Variants in SCNN1B observed in about 807,000 individuals in gnomAD.
SCNN1B encodes sodium channel epithelial 1 subunit beta.
SCNN1B carries 46 observed loss-of-function variants against 65.3 expected under a neutral mutation model. The ratio of observed to expected loss-of-function variants is 0.70; its 90% CI spans 0.56 to 0.90. The LOEUF is 0.90. Among genes scored for constraint, SCNN1B ranks in the 40% least tolerant of loss-of-function variants. SCNN1B has a pLI of 0.00. For synonymous variants in SCNN1B, 349 were observed against 330.6 expected (o/e 1.06, Z -0.60); for missense variants, 751 against 830.5 (o/e 0.90, Z 1.18).
rs763655067 is a variant in SCNN1B, at chr16:23,371,289, C to T, written c.881-10C>T. The T allele has an allele frequency of 2.5e-6, 4 of 1,613,944 alleles. No homozygotes were observed. The highest frequency in any genetic ancestry group is 3.4e-6 in the Non-Finnish European group (4 of 1,179,980). ...AAGTTCAGGCAGCCCTCACCCCACC[C>T]TCCCCACAGGCCTGAAGTTGATCCT... On this transcript the variant is annotated splice_polypyrimidine_tract_variant and intron_variant, in intron 5 of 12. Transcript: ENST00000343070.
intron 1 of SCNN1B, among the ~76,000 whole-genome samples, chr16:23,319,308 AGC>A (rs1192903114): frequency 6.6e-6 from 1 of 152,118 alleles, no homozygotes. Context: ...GGCCTCCCAA[AGC>A]GCTGGGAGTA....
intron 7 of SCNN1B, among the ~76,000 whole-genome samples, chr16:23,375,037 G>A (rs796975231): frequency 6.6e-4 from 101 of 152,092 alleles, no homozygotes; most frequent in African/African-American, 2.3e-3. Context: ...GTCATGACTC[G>A]CCCTAGGACA....
intron 1 of SCNN1B, among the ~76,000 whole-genome samples, chr16:23,339,823 T>TA (rs1962018487): frequency 2.6e-5 from 4 of 152,094 alleles, no homozygotes; most frequent in Non-Finnish European, 5.9e-5. Context: ...CACCTTGACC[T>TA]CCCAAAGTAT....
intron 2 of SCNN1B, among the ~76,000 whole-genome samples, chr16:23,289,480 G>A (rs1023501133): frequency 6.6e-6 from 1 of 151,926 alleles, no homozygotes; most frequent in Admixed American, 6.6e-5. Flanking sequence ...AAGCCCAGGA[G>A]TTTGAGGCTG....
Position 23,348,540 on chromosome 16 carries a change from C to T in SCNN1B, c.-8-52C>T, listed in dbSNP as rs552550471. On this transcript the variant is annotated intron_variant, in intron 1 of 12. Transcript: ENST00000343070. The surrounding 1 kb of genome is among the most constrained non-coding windows in gnomAD (Gnocchi z 4.5). Reference sequence around the variant, plus strand: ...TTCCTGGACGTGACTGGGACATCCTCGCAGGCAAGGCTGGTGTCCCAGCTG... The same window carrying T: ...TTCCTGGACGTGACTGGGACATCCTTGCAGGCAAGGCTGGTGTCCCAGCTG... 4.7e-5 allele frequency: 74 copies of T among 1,589,052 alleles called. No homozygotes were observed. The African/African-American group carries it at 6.0e-4, about 13-fold the overall frequency.
chr16:23,312,198 G>T lies in SCNN1B; in HGVS notation c.-9+9761G>T, dbSNP rs1022834756. 2.6e-5 allele frequency among the ~76,000 whole-genome samples: 4 copies of T among 152,088 alleles called. No individual in the cohort carries two copies. In the East Asian group the frequency reaches 5.8e-4, roughly 22 times the overall value. ...TTGCCCAGGCTGGTCTCAAACTCCT[G>T]GGCTCAAGGAATCCTCCCACCTCGA... is the stretch of plus-strand genomic sequence containing the variant. On this transcript the variant is annotated intron_variant, in intron 1 of 12. Transcript: ENST00000343070.
chr16:23,310,192 C>CATAGTGAGACCCTGTCTCT (rs1961310569), intron 1 of SCNN1B, among the ~76,000 whole-genome samples: 1 of 137,356 alleles, frequency 7.3e-6, no homozygotes. Flanking sequence ...GCCTGGGCAG[C>CATAGTGAGACCCTGTCTCT]ATAGTGAGAC....
At chr16:23,357,354 G>A (rs1185634199) in intron 4 of SCNN1B, among the ~76,000 whole-genome samples, 1 of 152,242 alleles carries the variant, frequency 6.6e-6, no homozygotes, top group Non-Finnish European at 1.5e-5. Context: ...AGGCCAAGGC[G>A]GGTGGATCAC....
intron 2 of SCNN1B, among the ~76,000 whole-genome samples, chr16:23,290,965 T>C (rs537834924): frequency 2.0e-5 from 3 of 152,246 alleles, no homozygotes; most frequent in East Asian, 1.9e-4. Flanking sequence ...CACTGTTTAA[T>C]AGGGTTTTTA....
intron 2 of SCNN1B, among the ~76,000 whole-genome samples, chr16:23,293,636 G>T (rs558408527): frequency 3.9e-5 from 6 of 152,066 alleles, no homozygotes; most frequent in Non-Finnish European, 7.4e-5. Flanking sequence ...ACTTAAAAAT[G>T]ATTAAATGAG....
chr16:23,354,556 T>C (rs1229840568), intron 3 of SCNN1B, among the ~76,000 whole-genome samples: 1 of 152,222 alleles, frequency 6.6e-6, no homozygotes, highest in Admixed American at 6.5e-5. Flanking sequence ...CTGCACCCTG[T>C]GGTGGGCTCA....
At position 23,307,010 on chromosome 16, in the gene SCNN1B, T is replaced by A. The variant is rs868786274; in HGVS notation, c.-9+4573T>A. Among the ~76,000 whole-genome samples the A allele has an allele frequency of 1.2e-4, 18 of 152,324 alleles. 1 individual carries two copies. Among genetic ancestry groups the A allele is most frequent in the South Asian group, 6.2e-4 (3 of 4,822 alleles). ...CGTTTTGTGATCTCTGTTCTACAGA[T>A]GAGTTAGACTGAGGCTCAAGAAGAG... On this transcript the variant is annotated intron_variant, in intron 1 of 12. Coordinates refer to ENST00000343070, the MANE Select transcript of SCNN1B (RefSeq NM_000336.3).
chr16:23,369,823 T>A (rs1441699189), intron 5 of SCNN1B, among the ~76,000 whole-genome samples: 1 of 152,226 alleles, frequency 6.6e-6, no homozygotes, highest in Non-Finnish European at 1.5e-5. Context: ...CTGGAAGACC[T>A]CAGACAAGTC....
At chr16:23,322,821 C>A (rs1417256055) in intron 1 of SCNN1B, among the ~76,000 whole-genome samples, 2 of 152,026 alleles carry the variant, frequency 1.3e-5, no homozygotes, top group African/African-American at 2.4e-5. Context: ...AAAATTTACA[C>A]TGTGATCATT....
At chr16:23,344,259 G>A (rs1376193201) in intron 1 of SCNN1B, among the ~76,000 whole-genome samples, 1 of 152,214 alleles carries the variant, frequency 6.6e-6, no homozygotes, top group Non-Finnish European at 1.5e-5. Flanking sequence ...TGTTGCCTGA[G>A]CCTGAGGCCT....
At position 23,377,245 on chromosome 16, in the gene SCNN1B, G is replaced by T; in HGVS notation, c.1346+5G>T. 1 of 1,614,226 alleles carries T rather than the reference G, an allele frequency of 6.2e-7. No individual in the cohort carries two copies. The highest frequency in any genetic ancestry group is 8.5e-7 in the Non-Finnish European group (1 of 1,180,016). On this transcript the variant is annotated splice_donor_5th_base_variant and intron_variant, in intron 9 of 12. Coordinates refer to ENST00000343070, the MANE Select transcript of SCNN1B (RefSeq NM_000336.3). Reference sequence around the variant, plus strand: ...CATGTGCAAGGAGTCCTGCAAGTGAGTGCGGGTGGGCGGGCACAGCAGCGG... The same window carrying T: ...CATGTGCAAGGAGTCCTGCAAGTGATTGCGGGTGGGCGGGCACAGCAGCGG...
chr16:23,299,206 C>T (rs1186519757), upstream of SCNN1B, among the ~76,000 whole-genome samples: 9 of 151,832 alleles, frequency 5.9e-5, no homozygotes, highest in South Asian at 2.1e-4. Flanking sequence ...ATTACAGGTG[C>T]GCACCACCAT....
At chr16:23,343,626 AG>A (rs1962119441) in intron 1 of SCNN1B, among the ~76,000 whole-genome samples, 2 of 135,040 alleles carry the variant, frequency 1.5e-5, no homozygotes, top group African/African-American at 2.9e-5. Flanking sequence ...AAAGAAAGAA[AG>A]AAAGAAAGAA....
In SCNN1B at chr16:23,378,764, G is replaced by C. The variant is rs746559530; in HGVS notation, c.1463G>C (p.Ser488Thr). Reference sequence around the variant, plus strand: ...GACCAAAGCACCAATATCACCCTGAGCAGGTGAGCCTGAGCCTGGGCGGGG... The same window carrying C: ...GACCAAAGCACCAATATCACCCTGACCAGGTGAGCCTGAGCCTGGGCGGGG... Reference protein sequence around the residue: ...ERDQSTNITLSRKGIVKLNIY... With the variant: ...ERDQSTNITLTRKGIVKLNIY... The change falls in exon 11 of 13, where the codon AGC becomes ACC. Residue 488 changes from serine (S) to threonine (T), a missense_variant. By Grantham distance (58) the Ser-to-Thr change is moderately conservative. Transcript: ENST00000343070. 5.0e-6 allele frequency: 8 copies of C among 1,613,966 alleles called. No homozygotes were observed. Among genetic ancestry groups the C allele is most frequent in the Non-Finnish European group, 6.8e-6 (8 of 1,179,978 alleles).
Sources: gnomAD v4.1 joint callset for allele counts (sites outside exome capture counted in the v4.1 genomes callset) on GRCh38, gnomAD v4.1.1 for gene constraint, Gnocchi (gnomAD v3.1) non-coding constraint, MANE v1.5 for transcripts, NCBI Gene and HGNC (gene_info 2026-07-23, HGNC 2026-07-21) for gene names.